NR2F2: variants seen among roughly 807,000 people sequenced by gnomAD.
NR2F2 encodes nuclear receptor subfamily 2 group F member 2, also known as COUP transcription factor 2.
A neutral mutation model predicts 34.8 loss-of-function variants in NR2F2; 2 were observed. That is an observed-to-expected ratio of 0.06 (90% CI 0.02 to 0.18). The LOEUF is 0.18. NR2F2 is among the 10% of genes least tolerant of loss of function. The pLI is 1.00. For missense variants in NR2F2, 300 were observed against 580.1 expected, an observed-to-expected ratio of 0.52 and a Z score of 4.96; for synonymous variants, 274 against 251.8, an observed-to-expected ratio of 1.09 and a Z score of -0.84.
rs1899253477 is a variant in NR2F2, at chr15:96,334,305, C to G, written c.672C>G (p.Val224=). ...ELAARMLFSA[V]EWARNIPFFP... is the part of the protein sequence containing the mutation. ...CCGCGAGGATGCTCTTCAGCGCCGT[C>G]GAGTGGGCCCGGAACATCCCCTTCT... The change falls in exon 2 of 3, where the codon GTC becomes GTG. Residue 224 remains valine, a synonymous_variant. Transcript: ENST00000394166. The G allele has an allele frequency of 1.9e-6, 3 of 1,614,228 alleles. No individual in the cohort carries two copies. The highest frequency in any genetic ancestry group is 1.7e-6 in the Non-Finnish European group (2 of 1,180,052).
chr15:96,326,414 G>A (rs1898986869), upstream of NR2F2: 4 of 1,424,342 alleles, frequency 2.8e-6, no homozygotes, highest in Non-Finnish European at 4.0e-6. This position sits in a 1 kb window ranked among gnomAD's most constrained non-coding sequence, Gnocchi z 5.5. Flanking sequence ...TGCTTGTGCT[G>A]TGTGGGGTTG....
chr15:96,337,199 C>T, intron 2 of NR2F2, 149 bp from the exon 3 acceptor site: 2 of 844,658 alleles, frequency 2.4e-6, no homozygotes, highest in Non-Finnish European at 3.6e-6. Flanking sequence ...ACATTTGCTC[C>T]AACTCCGGTT....
Position 96,338,983 on chromosome 15 carries a change from TGGG to T in NR2F2, c.*1367_*1369del, listed in dbSNP as rs111260439. On this transcript the variant is annotated 3_prime_UTR_variant, in exon 3 of 3. Coordinates refer to ENST00000394166, the MANE Select transcript of NR2F2 (RefSeq NM_021005.4). The stretch of plus-strand genomic sequence containing the variant: ...CTGTTTAATTTGGGTGTGTGTGTGT[TGGG>T]GGGGGAGCTGAAGTTAATGGTTTAT... The T allele has an allele frequency of 7.6e-6, 1 of 131,332 alleles. No individual in the cohort carries two copies. The highest frequency in any genetic ancestry group is 1.6e-5 in the Non-Finnish European group (1 of 60,976). The allele number at this position is 131,332 out of a possible 1,614,324, so 8.1% of individuals were successfully genotyped here. A position where few individuals can be genotyped will look rare whatever the true frequency, so the allele number is the denominator to read the frequency against.
rs1232199842 is a variant in NR2F2, at chr15:96,340,199, A to AAATG, written c.*2577_*2578insAATG. The stretch of plus-strand genomic sequence containing the variant: ...TGTTTTGTGTTAGTTTATTGTAAAC[A>AAATG]GCCATTTGTTGTAAATTATTATTGG... On this transcript the variant is annotated 3_prime_UTR_variant, in exon 3 of 3. Coordinates refer to ENST00000394166, the MANE Select transcript of NR2F2 (RefSeq NM_021005.4). The AAATG allele has an allele frequency of 6.6e-6, 1 of 152,226 alleles. No individual in the cohort carries two copies. Among genetic ancestry groups the AAATG allele is most frequent in the Non-Finnish European group, 1.5e-5 (1 of 68,042 alleles). 9.4% of individuals were successfully genotyped at this position (152,226 alleles called of 1,614,324 possible).
chr15:96,336,745 G>T (rs1293149801), intron 2 of NR2F2, among the ~76,000 whole-genome samples: 2 of 152,130 alleles, frequency 1.3e-5, no homozygotes, highest in Non-Finnish European at 2.9e-5. Context: ...AGAGATCACG[G>T]TTTGCATGGC....
chr15:96,328,634 T>G (rs1567136013), upstream of NR2F2, among the ~76,000 whole-genome samples: 1 of 152,254 alleles, frequency 6.6e-6, no homozygotes, highest in Non-Finnish European at 1.5e-5. Flanking sequence ...TCCATCCTTC[T>G]TATCCTCTTT....
intron 2 of NR2F2, among the ~76,000 whole-genome samples, chr15:96,335,914 C>T (rs2141170733): frequency 6.6e-6 from 1 of 152,280 alleles, no homozygotes; most frequent in South Asian, 2.1e-4. Context: ...AATTAAAGGC[C>T]AGTGTCTGGG....
In NR2F2 at chr15:96,332,086, C is replaced by T; in HGVS notation, c.-20C>T. The T allele has an allele frequency of 7.7e-7, 1 of 1,295,192 alleles. No individual in the cohort carries two copies. The allele number at this position is 1,295,192 out of a possible 1,614,324, so 80.2% of individuals were successfully genotyped here. A position where few individuals can be genotyped will look rare whatever the true frequency, so the allele number is the denominator to read the frequency against. ...CCCGCAGCCAGGGGAGCAGGAAGTCCGGACGCAGCCCCCATAGATATGGCA... is the reference window on the plus strand; with the variant it reads ...CCCGCAGCCAGGGGAGCAGGAAGTCTGGACGCAGCCCCCATAGATATGGCA... On this transcript the variant is annotated 5_prime_UTR_variant, in exon 1 of 3. Coordinates refer to ENST00000394166, the MANE Select transcript of NR2F2 (RefSeq NM_021005.4).
rs1305154963 is a variant in NR2F2, at chr15:96,331,781, A to C, written c.-325A>C. Reference sequence around the variant, plus strand: ...CCCTCTTTCTCCACGTTCTGCTCCCACTCGCTCTCCTGTCCCCTTCCCCTC... The same window carrying C: ...CCCTCTTTCTCCACGTTCTGCTCCCCCTCGCTCTCCTGTCCCCTTCCCCTC... On this transcript the variant is annotated 5_prime_UTR_variant, in exon 1 of 3. Coordinates refer to ENST00000394166, the MANE Select transcript of NR2F2 (RefSeq NM_021005.4). 5.1e-6 allele frequency: 6 copies of C among 1,183,924 alleles called. No homozygotes were observed. Among genetic ancestry groups the C allele is most frequent in the Admixed American group, 4.5e-5 (1 of 21,990 alleles). The allele number at this position is 1,183,924 out of a possible 1,614,324, so 73.3% of individuals were successfully genotyped here.
At chr15:96,333,613 T>G in intron 1 of NR2F2, 4 of 1,011,458 alleles carry the variant, frequency 4.0e-6, no homozygotes, top group East Asian at 1.9e-4. Context: ...TGTGGGAGAG[T>G]CGTTCCGGAG....
chr15:96,331,117 CGGCGCT>C lies in NR2F2; in HGVS notation c.-988_-983del. Reference sequence around the variant, plus strand: ...GCAGCAGCGACTTCAGCGGCGGCGGCGGCGCTAGACGCAGCGGCTCCGGGCCCGACC... The same window carrying C: ...GCAGCAGCGACTTCAGCGGCGGCGGCAGACGCAGCGGCTCCGGGCCCGACC... On this transcript the variant is annotated 5_prime_UTR_variant, in exon 1 of 3. The change abolishes the stop of an existing upstream ORF in the 5' untranslated region. Coordinates refer to ENST00000394166, the MANE Select transcript of NR2F2 (RefSeq NM_021005.4). 8.5e-7 allele frequency: 1 copy of C among 1,181,758 alleles called. No homozygotes were observed. The highest frequency in any genetic ancestry group is 1.0e-6 in the Non-Finnish European group (1 of 953,826). The allele number at this position is 1,181,758 out of a possible 1,614,324, so 73.2% of individuals were successfully genotyped here. A position where few individuals can be genotyped will look rare whatever the true frequency, so the allele number is the denominator to read the frequency against.
upstream of NR2F2, among the ~76,000 whole-genome samples, chr15:96,328,237 C>G (rs1285782110): frequency 8.5e-5 from 13 of 152,200 alleles, 1 homozygote; most frequent in Admixed American, 8.5e-4. Flanking sequence ...GCCTAGCAGG[C>G]TCCAATTTGT....
At position 96,331,585 on chromosome 15, in the gene NR2F2, C is replaced by A; in HGVS notation, c.-521C>A. The stretch of plus-strand genomic sequence containing the variant: ...ACCACCACCTCCTCTTCCTCCTCCT[C>A]CTCCTCCTCCTCCTCCGCCAACTCC... On this transcript the variant is annotated 5_prime_UTR_variant, in exon 1 of 3. Coordinates refer to ENST00000394166, the MANE Select transcript of NR2F2 (RefSeq NM_021005.4). 1.6e-6 allele frequency: 2 copies of A among 1,218,044 alleles called. No individual in the cohort carries two copies. Among genetic ancestry groups the A allele is most frequent in the Non-Finnish European group, 2.0e-6 (2 of 978,546 alleles). 75.5% of individuals were successfully genotyped at this position (1,218,044 alleles called of 1,614,324 possible).
Position 96,331,297 on chromosome 15 carries a change from G to A in NR2F2, c.-809G>A, listed in dbSNP as rs1401183754. 2 of 1,096,322 alleles carry A rather than the reference G, an allele frequency of 1.8e-6. No individual in the cohort carries two copies. Among genetic ancestry groups the A allele is most frequent in the East Asian group, 5.3e-5 (1 of 18,946 alleles). 67.9% of individuals were successfully genotyped at this position (1,096,322 alleles called of 1,614,324 possible). On this transcript the variant is annotated 5_prime_UTR_variant, in exon 1 of 3. Coordinates refer to ENST00000394166, the MANE Select transcript of NR2F2 (RefSeq NM_021005.4). ...GCCCGGGGCAGGCGGCGGCGGCGGC[G>A]GCCCAGCGCCAGGACGACGCCGCGC...
intron 2 of NR2F2, 67 bp downstream of exon 2, chr15:96,334,670 G>C: frequency 6.6e-7 from 1 of 1,511,298 alleles, no homozygotes; most frequent in Non-Finnish European, 8.9e-7. Context: ...CAGAGAACTT[G>C]GGAGTCCCCA....
intron 1 of NR2F2, chr15:96,333,734 C>T: frequency 3.9e-6 from 5 of 1,277,476 alleles, no homozygotes; most frequent in Non-Finnish European, 4.9e-6. Context: ...GAAATATCAG[C>T]TGTTTAGCAG....
chr15:96,335,399 AG>A (rs1237949362), intron 2 of NR2F2, among the ~76,000 whole-genome samples: 18 of 152,254 alleles, frequency 1.2e-4, no homozygotes, highest in African/African-American at 4.1e-4. Context: ...AACCTGTGTG[AG>A]TAATAGAGCT....
In NR2F2 at chr15:96,331,082, G is replaced by GGCA. The variant is rs1555446862; in HGVS notation, c.-1018_-1016dup. The GGCA allele has an allele frequency of 3.9e-5, 48 of 1,225,714 alleles. No individual in the cohort carries two copies. In the African/African-American group the frequency reaches 6.8e-4, roughly 17 times the overall value. 75.9% of individuals were successfully genotyped at this position (1,225,714 alleles called of 1,614,324 possible). A position where few individuals can be genotyped will look rare whatever the true frequency, so the allele number is the denominator to read the frequency against. On this transcript the variant is annotated 5_prime_UTR_variant, in exon 1 of 3. Transcript: ENST00000394166. ...CAGCAGCAGCAGCGGCTCCGGCGGC[G>GGCA]GCAGCAGCGGCAGCAGCGACTTCAG... is the stretch of plus-strand genomic sequence containing the variant.
rs1899165214 is a variant in NR2F2 at position 96,332,151 on chromosome 15, C to T, written c.46C>T (p.Pro16Ser). 3 of 1,355,630 alleles carry T rather than the reference C, an allele frequency of 2.2e-6. No homozygotes were observed. The highest frequency in any genetic ancestry group is 2.8e-6 in the Non-Finnish European group (3 of 1,054,142). The allele number at this position is 1,355,630 out of a possible 1,614,324, so 84.0% of individuals were successfully genotyped here. A position where few individuals can be genotyped will look rare whatever the true frequency, so the allele number is the denominator to read the frequency against. ...STWRDPQDEV[P>S]GSQGSQASQA... is the part of the protein sequence containing the mutation. ...GTGGCGCGACCCCCAGGACGAGGTG[C>T]CCGGCTCACAGGGCAGCCAGGCCTC... Residue 16 changes from proline (P) to serine (S), a missense_variant, in exon 1 of 3, where the codon CCC becomes TCC. This residue lies in a region of NR2F2 where 105 missense variants were observed against 107.8 expected (regional missense o/e 0.97). Transcript: ENST00000394166.
Sources: allele counts gnomAD v4.1 joint callset (sites outside exome capture counted in the v4.1 genomes callset), GRCh38; gene constraint gnomAD v4.1.1; regional missense constraint gnomAD v4.1.1; non-coding constraint Gnocchi (gnomAD v3.1); transcripts MANE v1.5; gene names NCBI Gene and HGNC (gene_info 2026-07-23, HGNC 2026-07-21).